The following ZDHHC15 variants were observed in gnomAD, a reference collection of about 807,000 sequenced individuals.
The protein encoded by ZDHHC15 is zDHHC palmitoyltransferase 15, also known as palmitoyltransferase ZDHHC15.
A neutral mutation model predicts 31.7 loss-of-function variants in ZDHHC15; 19 were observed. The observed-to-expected ratio is 0.60, with a 90% CI of 0.42 to 0.88. ZDHHC15 has a LOEUF of 0.88. ZDHHC15 is among the 40% of genes least tolerant of loss of function. ZDHHC15 has a pLI of 0.00. For synonymous variants in ZDHHC15, 103 were observed against 90.0 expected, an observed-to-expected ratio of 1.14 and a Z score of -0.82; for missense variants, 209 against 251.2, an observed-to-expected ratio of 0.83 and a Z score of 1.14.
At chrX:75,455,989 C>G (rs2084213710) in intron 3 of ZDHHC15, among the ~76,000 whole-genome samples, 1 of 111,186 alleles carries the variant, frequency 9.0e-6, no homozygotes, top group Non-Finnish European at 1.9e-5. Flanking sequence ...TTGACCCAGC[C>G]ATCCCATTAC....
intron 10 of ZDHHC15, among the ~76,000 whole-genome samples, chrX:75,411,632 T>C: frequency 8.9e-6 from 1 of 112,627 alleles, no homozygotes; most frequent in East Asian, 2.8e-4. Context: ...ATTATGAATG[T>C]ATAAAAATAT....
intron 10 of ZDHHC15, among the ~76,000 whole-genome samples, chrX:75,382,020 C>G (rs897597102): frequency 8.9e-6 from 1 of 112,101 alleles, no homozygotes; most frequent in Admixed American, 9.5e-5. Context: ...ACATCACTAA[C>G]AATCACACAA....
chrX:75,517,770 T>A lies in ZDHHC15; in HGVS notation c.136+5119A>T, dbSNP rs1444983728. Among the ~76,000 whole-genome samples the A allele has an allele frequency of 3.6e-5, 4 of 110,365 alleles. No homozygotes were observed. In the East Asian group the frequency reaches 1.1e-3, roughly 31 times the overall value. ...AAATTTTAAAAAAAAGCTGGACTCG[T>A]ATCTTATGCCAGATATAAAAAATTA... On this transcript the variant is annotated intron_variant, in intron 1 of 11. Transcript: ENST00000373367.
intron 1 of ZDHHC15, among the ~76,000 whole-genome samples, chrX:75,507,321 T>C (rs1233900109): frequency 1.8e-5 from 2 of 111,326 alleles, no homozygotes; most frequent in Admixed American, 1.9e-4. Flanking sequence ...AAAGTCTTTA[T>C]TACCTCTGAA....
chrX:75,419,679 G>A (rs1322278224), intron 9 of ZDHHC15, among the ~76,000 whole-genome samples: 2 of 109,729 alleles, frequency 1.8e-5, no homozygotes, highest in Non-Finnish European at 3.8e-5. Flanking sequence ...ATTCACAATA[G>A]CAAAGACTTG....
chrX:75,434,037 T>A lies in ZDHHC15; in HGVS notation c.380-2517A>T, dbSNP rs141103421. Among the ~76,000 whole-genome samples the A allele has an allele frequency of 3.1e-3, 351 of 112,012 alleles. 2 individuals carry two copies. The highest frequency in any genetic ancestry group is 0.011 in the African/African-American group (344 of 30,858). On this transcript the variant is annotated intron_variant, in intron 4 of 11. Coordinates refer to ENST00000373367, the MANE Select transcript of ZDHHC15 (RefSeq NM_144969.3). ...TTGATTTTTAAATTACGGCCATTCT[T>A]GCAGGAATAAGGTGGTATTGCATTG...
In ZDHHC15 at chrX:75,369,596, G is replaced by A. The variant is rs772563860; in HGVS notation, c.*3382C>T. 2 of 111,975 alleles carry A rather than the reference G, an allele frequency of 1.8e-5. No individual in the cohort carries two copies. Among genetic ancestry groups the A allele is most frequent in the Non-Finnish European group, 3.8e-5 (2 of 53,242 alleles). 9.2% of individuals were successfully genotyped at this position (111,975 alleles called of 1,213,427 possible). On this transcript the variant is annotated 3_prime_UTR_variant, in exon 12 of 12. Coordinates refer to ENST00000373367, the MANE Select transcript of ZDHHC15 (RefSeq NM_144969.3). Reference sequence around the variant, plus strand: ...TGCATTCTTTACCTTGGCAATGTCTGCCCTGAGATTGGGCTCTATGGTGCC... The same window carrying A: ...TGCATTCTTTACCTTGGCAATGTCTACCCTGAGATTGGGCTCTATGGTGCC...
At chrX:75,442,092 C>T (rs764566136) in intron 4 of ZDHHC15, among the ~76,000 whole-genome samples, 1 of 112,147 alleles carries the variant, frequency 8.9e-6, no homozygotes, top group African/African-American at 3.2e-5. Flanking sequence ...TCATACGGTG[C>T]CCAGATATTT....
At chrX:75,418,728 T>C (rs2083580101) in intron 9 of ZDHHC15, among the ~76,000 whole-genome samples, 1 of 111,987 alleles carries the variant, frequency 8.9e-6, no homozygotes, top group Non-Finnish European at 1.9e-5. Context: ...ATTTAACAAA[T>C]GGTGTTGGGA....
chrX:75,467,958 A>G (rs1192089471), intron 3 of ZDHHC15, among the ~76,000 whole-genome samples: 2 of 110,944 alleles, frequency 1.8e-5, no homozygotes, highest in Non-Finnish European at 3.8e-5. Context: ...TTCTGTCTCT[A>G]TGGATTTGCC....
chrX:75,421,408 TA>T (rs1569320678), intron 9 of ZDHHC15, among the ~76,000 whole-genome samples: 13 of 8,838 alleles, frequency 1.5e-3, no homozygotes, highest in Non-Finnish European at 8.9e-3. Context: ...ATTATATATA[TA>T]TAATATATAT....
rs1230305720 is a variant in ZDHHC15, at chrX:75,481,686, C to A, written c.164-2701G>T. ...CATTTTACAGAGAAGTAACTGAGGC[C>A]CAGAGGGGCAAGTGATTTGATCAGA... On this transcript the variant is annotated intron_variant, in intron 2 of 11. Transcript: ENST00000373367. 2.7e-5 allele frequency among the ~76,000 whole-genome samples: 3 copies of A among 111,447 alleles called. No individual in the cohort carries two copies. In the Admixed American group the frequency reaches 2.9e-4, roughly 11 times the overall value.
intron 11 of ZDHHC15, among the ~76,000 whole-genome samples, chrX:75,373,924 C>CTTTTTTT (rs1298329750): frequency 7.2e-3 from 136 of 18,778 alleles, no homozygotes; most frequent in Non-Finnish European, 0.017. Context: ...TTCATTCTTT[C>CTTTTTTT]TGTTTTTTTT....
intron 4 of ZDHHC15, among the ~76,000 whole-genome samples, chrX:75,432,393 T>C (rs1255034534): frequency 8.9e-6 from 1 of 112,198 alleles, no homozygotes. Flanking sequence ...CACATATTAC[T>C]GATTCAACAC....
chrX:75,402,809 G>A (rs1379815171), intron 10 of ZDHHC15, among the ~76,000 whole-genome samples: 2 of 110,589 alleles, frequency 1.8e-5, no homozygotes, highest in East Asian at 5.7e-4. Flanking sequence ...AGATTACAAA[G>A]AGCTGGTACC....
intron 10 of ZDHHC15, among the ~76,000 whole-genome samples, chrX:75,404,089 T>C (rs758555467): frequency 3.6e-5 from 4 of 111,865 alleles, no homozygotes; most frequent in Non-Finnish European, 5.6e-5. Context: ...TATGAACATG[T>C]GGTCTTTGAC....
rs145807674 is a variant in ZDHHC15 at position 75,392,999 on chromosome X, G to C, written c.968-13801C>G. 4.2e-3 allele frequency among the ~76,000 whole-genome samples: 461 copies of C among 109,096 alleles called. 2 individuals are homozygous for C. The highest frequency in any genetic ancestry group is 0.015 in the African/African-American group (444 of 29,909). 94.7% of individuals were successfully genotyped at this position (109,096 alleles called of 115,157 possible). A position where few individuals can be genotyped will look rare whatever the true frequency, so the allele number is the denominator to read the frequency against. On this transcript the variant is annotated intron_variant, in intron 10 of 11. Transcript: ENST00000373367. Reference sequence around the variant, plus strand: ...TCCTGAAGGGTCTGGGTCATTTGTAGTCCTGCCTGGATTGTGCTGTTGTAG... The same window carrying C: ...TCCTGAAGGGTCTGGGTCATTTGTACTCCTGCCTGGATTGTGCTGTTGTAG...
intron 3 of ZDHHC15, among the ~76,000 whole-genome samples, chrX:75,474,720 A>G (rs982952627): frequency 1.8e-5 from 2 of 109,097 alleles, no homozygotes; most frequent in Non-Finnish European, 3.8e-5. Context: ...ATCTGCACAT[A>G]TAACCCTTGA....
At chrX:75,449,238 ACACACACACACACAC>A (rs2084080536) in intron 4 of ZDHHC15, among the ~76,000 whole-genome samples, 1 of 106,324 alleles carries the variant, frequency 9.4e-6, no homozygotes, top group South Asian at 4.1e-4. Flanking sequence ...ACACACACAC[ACACACACACACACAC>A]AATTCTATTG....
Sources: gnomAD v4.1 joint callset for allele counts (sites outside exome capture counted in the v4.1 genomes callset) on GRCh38, gnomAD v4.1.1 for gene constraint, MANE v1.5 for transcripts, NCBI Gene and HGNC (gene_info 2026-07-23, HGNC 2026-07-21) for gene names.